Variants in CAPN12 observed in about 807,000 individuals in gnomAD.
CAPN12 encodes calpain 12, also known as calpain-12.
In CAPN12, 107 loss-of-function variants were observed where a neutral mutation model predicts 95.0. The observed-to-expected ratio is 1.13, with a 90% confidence interval of 0.96 to 1.32. The LOEUF (loss-of-function observed/expected upper bound fraction) is 1.32. Ranked by LOEUF, CAPN12 falls within the 40% of genes most tolerant of loss-of-function variation. The pLI is 0.00. For missense variants in CAPN12, 1,136 were observed against 997.8 expected (o/e 1.14, Z -1.87); for synonymous variants, 505 against 415.5 (o/e 1.22, Z -2.62).
Position 38,730,497 on chromosome 19 carries a change from C to G in CAPN12, c.*355G>C, listed in dbSNP as rs1250301354. On this transcript the variant is annotated 3_prime_UTR_variant, in exon 21 of 21. Transcript: ENST00000328867. The stretch of plus-strand genomic sequence containing the variant: ...TTCTGGATAAACCACCCTCTGGGGA[C>G]AGGATAATAAAACATGTAATATTTT... 2 of 296,148 alleles carry G rather than the reference C, an allele frequency of 6.8e-6. No individual in the cohort carries two copies. Among genetic ancestry groups the G allele is most frequent in the Admixed American group, 4.7e-5 (1 of 21,296 alleles). The allele number at this position is 296,148 out of a possible 1,614,324, so 18.3% of individuals were successfully genotyped here.
rs117242020 is a variant in CAPN12, at chr19:38,735,609, G to A, written c.1584-65C>T. On this transcript the variant is annotated intron_variant, in intron 12 of 20. Transcript: ENST00000328867. Reference sequence around the variant, plus strand: ...CCCCAGCTGGGGCTGTGTGGGACGGGGTCTCAGGTGAGGAATCGCGTGGGG... The same window carrying A: ...CCCCAGCTGGGGCTGTGTGGGACGGAGTCTCAGGTGAGGAATCGCGTGGGG... The A allele has an allele frequency of 9.6e-3, 14,827 of 1,544,096 alleles. 111 individuals are homozygous for A. The highest frequency in any genetic ancestry group is 0.013 in the Admixed American group (704 of 55,746).
chr19:38,731,072 CCCCCCAT>C, intron 19 of CAPN12, 28 bp downstream of exon 19: 1 of 1,573,398 alleles, frequency 6.4e-7, no homozygotes, highest in Non-Finnish European at 8.6e-7. Flanking sequence ...CGTACCCCTT[CCCCCCAT>C]GCCCCACCAT....
In CAPN12 at chr19:38,734,795, CT is replaced by C. The variant is rs1309127032; in HGVS notation, c.1744+17del. ...CTGGCTAAGACCCCTCCTCCTGCCC[CT>C]ATCCCAGCCAACTCACCAGGCTCCA... is the stretch of plus-strand genomic sequence containing the variant. On this transcript the variant is annotated intron_variant, in intron 15 of 20. Transcript: ENST00000328867. The C allele has an allele frequency of 6.8e-6, 11 of 1,611,176 alleles. No individual in the cohort carries two copies. The East Asian group carries it at 1.6e-4, about 23-fold the overall frequency.
In CAPN12 at chr19:38,740,115, A is replaced by G. The variant is rs1313437829; in HGVS notation, c.665T>C (p.Met222Thr). Reference protein sequence around the residue: ...GEVLYLRQNSMGLFSALRHAL... With the variant: ...GEVLYLRQNSTGLFSALRHAL... The stretch of plus-strand genomic sequence containing the variant: ...ATGGCGCAGGGCAGAGAACAGCCCC[A>G]TGCTGTTTTGTCTCAGATAGAGCAC... The change falls in exon 5 of 21, where the codon ATG (methionine) becomes ACG (threonine). Residue 222 changes from methionine (M) to threonine (T), a missense_variant. Coordinates refer to ENST00000328867, the MANE Select transcript of CAPN12 (RefSeq NM_144691.4). 7 of 1,613,840 alleles carry G rather than the reference A, an allele frequency of 4.3e-6. No individual in the cohort carries two copies. Among genetic ancestry groups the G allele is most frequent in the Admixed American group, 1.7e-5 (1 of 59,982 alleles).
At chr19:38,739,549 A>C (rs187113158) in intron 5 of CAPN12, 52 of 152,122 alleles carry the variant, frequency 3.4e-4, no homozygotes, top group Non-Finnish European at 5.7e-4. Context: ...AGAAAAAGAG[A>C]AGCAGTAACT....
At chr19:38,739,915 G>T in intron 5 of CAPN12, 136 bp downstream of exon 5, 1 of 875,042 alleles carries the variant, frequency 1.1e-6, no homozygotes, top group Non-Finnish European at 1.6e-6. Flanking sequence ...ATTTATTTTT[G>T]ACTAGTTAGA....
chr19:38,730,374 G>C lies in CAPN12; in HGVS notation c.*478C>G, dbSNP rs1244340174. ...GTGGGTCTCTGGGGACCCTCCAGAG[G>C]TGGAGGTGGGCTGATGGCCTGGCTG... On this transcript the variant is annotated 3_prime_UTR_variant, in exon 21 of 21. Coordinates refer to ENST00000328867, the MANE Select transcript of CAPN12 (RefSeq NM_144691.4). The C allele has an allele frequency of 5.3e-6, 1 of 189,874 alleles. No individual in the cohort carries two copies. Among genetic ancestry groups the C allele is most frequent in the East Asian group, 1.4e-4 (1 of 6,966 alleles). The allele number at this position is 189,874 out of a possible 1,614,324, so 11.8% of individuals were successfully genotyped here.
In CAPN12 at chr19:38,733,412, A is replaced by AG. The variant is rs1375830480; in HGVS notation, c.1957+290dup. Reference sequence around the variant, plus strand: ...TGGGGGCCAGACCCTCTCAGATACCAGCTCCTAATCTTCCCCTTCCTGGAG... The same window carrying AG: ...TGGGGGCCAGACCCTCTCAGATACCAGGCTCCTAATCTTCCCCTTCCTGGAG... On this transcript the variant is annotated intron_variant, in intron 18 of 20. Transcript: ENST00000328867. 78 of 419,526 alleles carry AG rather than the reference A, an allele frequency of 1.9e-4. 1 individual carries two copies. Among genetic ancestry groups the AG allele is most frequent in the Non-Finnish European group, 1.3e-4 (30 of 232,488 alleles). 26.0% of individuals were successfully genotyped at this position (419,526 alleles called of 1,614,324 possible). A position where few individuals can be genotyped will look rare whatever the true frequency, so the allele number is the denominator to read the frequency against.
rs756672339 is a variant in CAPN12, at chr19:38,737,215, G to A, written c.1303C>T (p.Arg435Trp). The change falls in exon 10 of 21, where the codon CGG becomes TGG. Residue 435 changes from arginine to tryptophan, a missense_variant. Arg to Trp is a moderately radical substitution (Grantham distance 101). Coordinates refer to ENST00000328867, the MANE Select transcript of CAPN12 (RefSeq NM_144691.4). ...TVLLSLIQRN[R>W]RRLRAKGLTY... Reference sequence around the variant, plus strand: ...AGGCCCTTGGCTCTCAGGCGCCGCCGGTTGCGCTGGATGAGGGACAGAAGG... The same window carrying A: ...AGGCCCTTGGCTCTCAGGCGCCGCCAGTTGCGCTGGATGAGGGACAGAAGG... The A allele has an allele frequency of 4.3e-5, 66 of 1,550,452 alleles. No homozygotes were observed. Among genetic ancestry groups the A allele is most frequent in the Middle Eastern group, 2.1e-4 (1 of 4,702 alleles).
In CAPN12 at chr19:38,731,005, A is replaced by C; in HGVS notation, c.2093T>G (p.Leu698Arg). The C allele has an allele frequency of 6.4e-7, 1 of 1,552,498 alleles. No homozygotes were observed. The highest frequency in any genetic ancestry group is 8.7e-7 in the Non-Finnish European group (1 of 1,148,108). ...GCAGATGACCCCCTCACCCCCATCC[A>C]GGTGCTGGCTGCAGTGGCCTGTGCA... ...TCIFCHCSQHLDGGEGVICLT... is the reference protein window; with the variant it reads ...TCIFCHCSQHRDGGEGVICLT... Residue 698 changes from leucine (L) to arginine (R), a missense_variant, in exon 20 of 21, where the codon CTG becomes CGG. Transcript: ENST00000328867.
intron 5 of CAPN12, 154 bp downstream of exon 5, chr19:38,739,897 G>T: frequency 1.4e-6 from 1 of 739,998 alleles, no homozygotes; most frequent in Non-Finnish European, 2.0e-6. Flanking sequence ...ATTCATGAGA[G>T]CAAATGAATT....
Position 38,735,417 on chromosome 19 carries a change from G to A in CAPN12, c.1639C>T (p.Pro547Ser), listed in dbSNP as rs762790978. 2 of 1,610,006 alleles carry A rather than the reference G, an allele frequency of 1.2e-6. No individual in the cohort carries two copies. The highest frequency in any genetic ancestry group is 1.1e-5 in the South Asian group (1 of 90,794). ...DLQSLQGPYLPLELGLEQLFQ... is the reference protein window; with the variant it reads ...DLQSLQGPYLSLELGLEQLFQ... ...AGCTGCTCCAACCCCAGCTCCAGGG[G>A]CAGGTAGGGGCCCTGCCGCATGGCG... The change falls in exon 14 of 21, where the codon CCC becomes TCC. Residue 547 changes from proline to serine, a missense_variant. Transcript: ENST00000328867.
intron 6 of CAPN12, 23 bp downstream of exon 6, chr19:38,738,550 AC>A (rs1970359291): frequency 6.2e-7 from 1 of 1,613,594 alleles, no homozygotes; most frequent in South Asian, 1.1e-5. Context: ...ATGGCCTGCC[AC>A]CCCACCCATG....
Position 38,731,229 on chromosome 19 carries a change from G to A in CAPN12, c.1958-6C>T. On this transcript the variant is annotated splice_region_variant and splice_polypyrimidine_tract_variant and intron_variant, in intron 18 of 20. Coordinates refer to ENST00000328867, the MANE Select transcript of CAPN12 (RefSeq NM_144691.4). Reference sequence around the variant, plus strand: ...CTGGTTGTTCAGGTGGAAGCCTAGGGGGAGGCTGCTTCTGAGCCCAGTGGC... The same window carrying A: ...CTGGTTGTTCAGGTGGAAGCCTAGGAGGAGGCTGCTTCTGAGCCCAGTGGC... 6.2e-7 allele frequency: 1 copy of A among 1,611,216 alleles called. No homozygotes were observed. The highest frequency in any genetic ancestry group is 1.1e-5 in the South Asian group (1 of 91,022).
At chr19:38,740,838 A>T (rs961012568) in intron 4 of CAPN12, among the ~76,000 whole-genome samples, 1 of 151,178 alleles carries the variant, frequency 6.6e-6, no homozygotes, top group Admixed American at 6.6e-5. Context: ...GACGGGGGGA[A>T]CTGTGGCACA....
Position 38,737,407 on chromosome 19 carries a change from AGG to A in CAPN12, c.1130-21_1130-20del. On this transcript the variant is annotated intron_variant, in intron 9 of 20. Coordinates refer to ENST00000328867, the MANE Select transcript of CAPN12 (RefSeq NM_144691.4). Reference sequence around the variant, plus strand: ...AAGGTTTCTAAGGGAGGAGGAAAAAAGGGGGTTTCCTAGCCGGCCACAGCGCC... The same window carrying A: ...AAGGTTTCTAAGGGAGGAGGAAAAAAGGGTTTCCTAGCCGGCCACAGCGCC... 1 of 1,609,396 alleles carries A rather than the reference AGG, an allele frequency of 6.2e-7. No homozygotes were observed. Among genetic ancestry groups the A allele is most frequent in the Middle Eastern group, 1.7e-4 (1 of 6,042 alleles).
chr19:38,731,148 T>C lies in CAPN12; in HGVS notation c.2033A>G (p.Glu678Gly). 2.5e-6 allele frequency: 4 copies of C among 1,612,904 alleles called. No individual in the cohort carries two copies. The highest frequency in any genetic ancestry group is 3.4e-6 in the Non-Finnish European group (4 of 1,179,934). ...YRDSRLRVDF[E>G]RFVSCVAHLT... is the part of the protein sequence containing the mutation. ...GTGGGCCACACAGGACACGAACCGC[T>C]CGAAGTCCACACGCAGACGGCTATC... The change falls in exon 19 of 21, where the codon GAG (glutamate) becomes GGG (glycine). Residue 678 changes from glutamate (E) to glycine (G), a missense_variant. By Grantham distance (98) the Glu-to-Gly change is moderately conservative (BLOSUM62 -2). Coordinates refer to ENST00000328867, the MANE Select transcript of CAPN12 (RefSeq NM_144691.4).
chr19:38,738,936 A>G (rs1429588000), intron 5 of CAPN12: 2 of 488,714 alleles, frequency 4.1e-6, no homozygotes, highest in African/African-American at 3.9e-5. Context: ...GTCCAAGACC[A>G]GCCTGGGCAA....
rs763733422 is a variant in CAPN12 at position 38,744,098 on chromosome 19, C to T, written c.68G>A (p.Arg23His). Residue 23 changes from arginine to histidine, a missense_variant, in exon 1 of 21, where the codon CGC becomes CAC. Coordinates refer to ENST00000328867, the MANE Select transcript of CAPN12 (RefSeq NM_144691.4). ...VDEEAGVGAG[R>H]LQLFRGQSYE... is the part of the protein sequence containing the mutation. ...GCTCTGGCCCCGAAAAAGCTGCAGG[C>T]GCCCGGCTCCGACCCCAGCCTCCTC... The T allele has an allele frequency of 6.9e-5, 111 of 1,614,056 alleles. 2 individuals are homozygous for T. Among genetic ancestry groups the T allele is most frequent in the South Asian group, 1.5e-4 (14 of 91,092 alleles).
Sources: allele counts gnomAD v4.1 joint callset (sites outside exome capture counted in the v4.1 genomes callset), GRCh38; gene constraint gnomAD v4.1.1; transcripts MANE v1.5; gene names NCBI Gene and HGNC (gene_info 2026-07-23, HGNC 2026-07-21).